Variants in ADAM12 observed in about 807,000 individuals in gnomAD.
ADAM12 encodes the protein disintegrin and metalloproteinase domain-containing protein 12.
Under a neutral mutation model 106.4 loss-of-function variants are expected in ADAM12, and 70 were observed. The ratio of observed to expected loss-of-function variants is 0.66; its 90% CI spans 0.54 to 0.80. The LOEUF is 0.80. Ranked by LOEUF, ADAM12 falls within the 30% of genes least tolerant of loss-of-function variation. ADAM12 has a pLI of 0.00. For synonymous variants in ADAM12, 420 were observed against 433.5 expected, an observed-to-expected ratio of 0.97 and a Z score of 0.39; for missense variants, 1,010 against 1,171.9, an observed-to-expected ratio of 0.86 and a Z score of 2.02.
At position 126,330,376 on chromosome 10, in the gene ADAM12, G is replaced by A. The variant is rs372941246; in HGVS notation, c.186+36C>T. On this transcript the variant is annotated intron_variant, in intron 2 of 22. Transcript: ENST00000448723. ...GCAGCTAATGTGATTTAAAAGCTTC[G>A]GCAGTCTCAAAGCTGAGAAAAGGAG... 54 of 1,547,934 alleles carry A rather than the reference G, an allele frequency of 3.5e-5. No individual in the cohort carries two copies. In the African/African-American group the frequency reaches 5.6e-4, roughly 16 times the overall value.
rs10638442 is a variant in ADAM12, at chr10:126,187,326, T to TA, written c.261-32022dup. Among the ~76,000 whole-genome samples, 794 of 148,554 alleles carry TA rather than the reference T, an allele frequency of 5.3e-3. 11 individuals are homozygous for TA. Among genetic ancestry groups the TA allele is most frequent in the African/African-American group, 0.017 (707 of 40,660 alleles). ...CTCCCCAACTGTGAAGGAAATGAAA[T>TA]AAAAAAAAAACAAATTTAATGTTGC... On this transcript the variant is annotated intron_variant, in intron 3 of 22. Coordinates refer to ENST00000448723, the MANE Select transcript of ADAM12 (RefSeq NM_001288973.2).
chr10:126,071,384 T>C (rs1954986015), intron 12 of ADAM12, 93 bp downstream of exon 12: 1 of 1,465,888 alleles, frequency 6.8e-7, no homozygotes, highest in African/African-American at 1.4e-5. Flanking sequence ...TCTAGTACTT[T>C]CATCTGGCTG....
intron 1 of ADAM12, among the ~76,000 whole-genome samples, chr10:126,384,894 G>T (rs1856609432): frequency 1.3e-5 from 2 of 152,076 alleles, no homozygotes; most frequent in African/African-American, 4.8e-5. Flanking sequence ...ACAGGTTAAG[G>T]GCTCAGTCCC....
intron 5 of ADAM12, chr10:126,135,222 CATTG>C (rs1956383368): frequency 5.0e-6 from 1 of 201,642 alleles, no homozygotes; most frequent in South Asian, 1.5e-4. Flanking sequence ...GCAGCTTCAA[CATTG>C]GTATGTAATG....
chr10:126,384,368 G>A lies in ADAM12; in HGVS notation c.88+3690C>T, dbSNP rs1856588088. The stretch of plus-strand genomic sequence containing the variant: ...TGTATCTTCCCAACACCCATCCTCA[G>A]GAAGTTACTGGAAAACGTGCTCCAC... On this transcript the variant is annotated intron_variant, in intron 1 of 22. Transcript: ENST00000448723. Among the ~76,000 whole-genome samples the A allele has an allele frequency of 2.0e-5, 3 of 152,210 alleles. No individual in the cohort carries two copies. The South Asian group carries it at 6.2e-4, about 32-fold the overall frequency.
chr10:126,217,001 G>C (rs1245754658), intron 3 of ADAM12, among the ~76,000 whole-genome samples: 1 of 152,166 alleles, frequency 6.6e-6, no homozygotes, highest in Non-Finnish European at 1.5e-5. Flanking sequence ...TGTTTCTCCT[G>C]TTTTCTTGGT....
At chr10:126,206,743 T>G (rs1362354665) in intron 3 of ADAM12, among the ~76,000 whole-genome samples, 1 of 151,570 alleles carries the variant, frequency 6.6e-6, no homozygotes, top group Non-Finnish European at 1.5e-5. Context: ...TTCTTTCTCC[T>G]GAAGGCTTTG....
In ADAM12 at chr10:126,161,122, C is replaced by T. The variant is rs1590532019; in HGVS notation, c.261-5817G>A. ...GCGTCTCCTTACTTATTTATCTCTA[C>T]CTTCAAGAATGTGAGCCACAGGAGG... On this transcript the variant is annotated intron_variant, in intron 3 of 22. Coordinates refer to ENST00000448723, the MANE Select transcript of ADAM12 (RefSeq NM_001288973.2). Among the ~76,000 whole-genome samples the T allele has an allele frequency of 3.9e-5, 6 of 152,240 alleles. 2 individuals carry two copies. Among genetic ancestry groups the T allele is most frequent in the African/African-American group, 1.4e-4 (6 of 41,538 alleles).
At chr10:126,386,018 G>A (rs900188781) in intron 1 of ADAM12, among the ~76,000 whole-genome samples, 2 of 152,194 alleles carry the variant, frequency 1.3e-5, no homozygotes, top group African/African-American at 4.8e-5. Flanking sequence ...GACTGGGAAA[G>A]GCACACTTCG....
chr10:126,171,574 T>C (rs577986648), intron 3 of ADAM12, among the ~76,000 whole-genome samples: 2 of 152,332 alleles, frequency 1.3e-5, no homozygotes, highest in African/African-American at 4.8e-5. Context: ...ACCTTTTCCT[T>C]GTGGCTTGTT....
rs1954993937 is a variant in ADAM12 at position 126,071,618 on chromosome 10, C to T, written c.1182G>A (p.Arg394=). ...PFPMVFSSCS[R]KDLETSLEKG... ...TCTCCAGGCTGGTCTCCAAGTCCTT[C>T]CTGCTGCAACTGCTGAACACCATGG... Residue 394 remains arginine (R), a synonymous_variant, in exon 12 of 23, where the codon AGG becomes AGA. Coordinates refer to ENST00000448723, the MANE Select transcript of ADAM12 (RefSeq NM_001288973.2). 6.2e-7 allele frequency: 1 copy of T among 1,614,152 alleles called. No homozygotes were observed. The highest frequency in any genetic ancestry group is 8.5e-7 in the Non-Finnish European group (1 of 1,180,006).
At chr10:126,187,671 T>C (rs1957424765) in intron 3 of ADAM12, among the ~76,000 whole-genome samples, 2 of 152,164 alleles carry the variant, frequency 1.3e-5, no homozygotes, top group Admixed American at 6.5e-5. Context: ...AGAGGCTGTC[T>C]AAAGGAAGAG....
chr10:126,129,739 C>A (rs1436392781), intron 5 of ADAM12, among the ~76,000 whole-genome samples: 1 of 152,212 alleles, frequency 6.6e-6, no homozygotes, highest in Non-Finnish European at 1.5e-5. Flanking sequence ...GACTTGGAGT[C>A]ATTTCAAAGT....
intron 6 of ADAM12, among the ~76,000 whole-genome samples, chr10:126,114,476 CTTTTG>C (rs933509869): frequency 2.0e-5 from 3 of 151,994 alleles, no homozygotes; most frequent in African/African-American, 7.2e-5. Flanking sequence ...CCAAGCGGTT[CTTTTG>C]TTTTGTTTTT....
At chr10:126,074,459 G>A (rs1324496519) in intron 11 of ADAM12, among the ~76,000 whole-genome samples, 1 of 152,176 alleles carries the variant, frequency 6.6e-6, no homozygotes, top group East Asian at 1.9e-4. Context: ...ATAGGATGAA[G>A]GAGAACAGTT....
chr10:126,251,885 A>AGG (rs1565168728), intron 3 of ADAM12, among the ~76,000 whole-genome samples: 1 of 69,112 alleles, frequency 1.4e-5, no homozygotes, highest in Non-Finnish European at 3.0e-5. Context: ...GGATGGATGC[A>AGG]ATGGATGGAT....
At chr10:126,155,080 C>T (rs1201676167) in intron 4 of ADAM12, 147 bp downstream of exon 4, 3 of 796,540 alleles carry the variant, frequency 3.8e-6, no homozygotes, top group Middle Eastern at 2.4e-4. Context: ...AATAGAACGC[C>T]TACCACTAAG....
Position 126,066,063 on chromosome 10 carries a change from C to T in ADAM12, c.1413+654G>A, listed in dbSNP as rs1954861503. On this transcript the variant is annotated intron_variant, in intron 13 of 22. Coordinates refer to ENST00000448723, the MANE Select transcript of ADAM12 (RefSeq NM_001288973.2). The surrounding 1 kb of genome is among the most constrained non-coding windows in gnomAD (Gnocchi z 5.1). Reference sequence around the variant, plus strand: ...TTTCCTGCAAGCAGAATGTCAGGATCAATTGCTTAATTAAAATGAAATAAA... The same window carrying T: ...TTTCCTGCAAGCAGAATGTCAGGATTAATTGCTTAATTAAAATGAAATAAA... Among the ~76,000 whole-genome samples, 1 of 152,168 alleles carries T rather than the reference C, an allele frequency of 6.6e-6. No individual in the cohort carries two copies. The highest frequency in any genetic ancestry group is 2.4e-5 in the African/African-American group (1 of 41,424).
At chr10:126,128,446 A>T (rs1956241701) in intron 5 of ADAM12, among the ~76,000 whole-genome samples, 1 of 152,242 alleles carries the variant, frequency 6.6e-6, no homozygotes, top group African/African-American at 2.4e-5. Flanking sequence ...TTCTCATGAA[A>T]ACAGGAATCA....
Sources: allele counts gnomAD v4.1 joint callset (sites outside exome capture counted in the v4.1 genomes callset), GRCh38; gene constraint gnomAD v4.1.1; non-coding constraint Gnocchi (gnomAD v3.1); transcripts MANE v1.5; gene names NCBI Gene and HGNC (gene_info 2026-07-23, HGNC 2026-07-21).